The following RBM19 variants were observed in gnomAD, a reference collection of about 807,000 sequenced individuals.
The protein encoded by RBM19 is probable RNA-binding protein 19.
RBM19 carries 94 observed loss-of-function variants against 116.8 expected under a neutral mutation model. The ratio of observed to expected loss-of-function variants is 0.80; its 90% CI spans 0.68 to 0.95. RBM19 has a LOEUF of 0.95. RBM19 is among the 40% of genes least tolerant of loss of function. The pLI is 0.00. For missense variants in RBM19, 1,161 were observed against 1,220.7 expected, an observed-to-expected ratio of 0.95 and a Z score of 0.73; for synonymous variants, 475 against 494.1, an observed-to-expected ratio of 0.96 and a Z score of 0.51.
Position 113,966,315 on chromosome 12 carries a change from T to C in RBM19, c.-88A>G. The C allele has an allele frequency of 1.3e-6, 2 of 1,550,064 alleles. No homozygotes were observed. Among genetic ancestry groups the C allele is most frequent in the South Asian group, 2.2e-5 (2 of 89,572 alleles). Reference sequence around the variant, plus strand: ...CGCTACCGCCCTGGGCGCCGCCATCTTTACCGAGCCGGAACACAGTCACGT... The same window carrying C: ...CGCTACCGCCCTGGGCGCCGCCATCCTTACCGAGCCGGAACACAGTCACGT... On this transcript the variant is annotated 5_prime_UTR_variant, in exon 1 of 24. Coordinates refer to ENST00000261741, the MANE Select transcript of RBM19 (RefSeq NM_016196.4).
At chr12:113,964,135 A>C (rs74821924) in intron 1 of RBM19, among the ~76,000 whole-genome samples, 117 of 152,284 alleles carry the variant, frequency 7.7e-4, no homozygotes, top group African/African-American at 2.7e-3. Context: ...CTACAGTGTC[A>C]GCAATATCAC....
At chr12:113,909,075 C>A (rs1020653248) in intron 21 of RBM19, among the ~76,000 whole-genome samples, 7 of 152,174 alleles carry the variant, frequency 4.6e-5, no homozygotes, top group Non-Finnish European at 8.8e-5. Context: ...GGACAGGGGT[C>A]AGGAGTTAGT....
rs568015381 is a variant in RBM19 at position 113,962,256 on chromosome 12, G to A, written c.195C>T (p.Ser65=). Residue 65 remains serine (S), a synonymous_variant, in exon 2 of 24, where the codon AGC becomes AGT. Coordinates refer to ENST00000261741, the MANE Select transcript of RBM19 (RefSeq NM_016196.4). The stretch of plus-strand genomic sequence containing the variant: ...CTGTGATCCGGGATGTGTCGATGAA[G>A]CTCTTGTTGAAATGCTTCTGTGCCT... ...AQKAQKHFNK[S]FIDTSRITVE... is the part of the protein sequence containing the mutation. 3.7e-6 allele frequency: 6 copies of A among 1,614,264 alleles called. No homozygotes were observed. The African/African-American group carries it at 5.3e-5, about 14-fold the overall frequency.
At chr12:113,962,083 A>T (rs1872545336) in intron 2 of RBM19, 149 bp downstream of exon 2, 4 of 945,674 alleles carry the variant, frequency 4.2e-6, no homozygotes, top group African/African-American at 1.7e-5. Flanking sequence ...GGTGATTTGT[A>T]TGCACATGAA....
chr12:113,832,195 CTTTTTTTTT>C (rs11410268), intron 23 of RBM19, among the ~76,000 whole-genome samples: 1 of 145,268 alleles, frequency 6.9e-6, no homozygotes, highest in Non-Finnish European at 1.5e-5. Context: ...TTTCTTTTTT[CTTTTTTTTT>C]TTTTAGACTA....
At chr12:113,899,867 AC>A (rs1283928160) in intron 21 of RBM19, among the ~76,000 whole-genome samples, 1 of 152,024 alleles carries the variant, frequency 6.6e-6, no homozygotes, top group African/African-American at 2.4e-5. Flanking sequence ...CAATGAGCCA[AC>A]GGCGGCCCTC....
intron 4 of RBM19, 88 bp from the exon 5 acceptor site, chr12:113,959,492 A>C: frequency 7.2e-7 from 1 of 1,379,770 alleles, no homozygotes; most frequent in Non-Finnish European, 1.0e-6. Flanking sequence ...TGATCTTTCT[A>C]ACTCTTAAGA....
In RBM19 at chr12:113,920,835, G is replaced by A. The variant is rs115239139; in HGVS notation, c.2306-145C>T. 1,867 of 737,266 alleles carry A rather than the reference G, an allele frequency of 2.5e-3. 16 individuals are homozygous for A. The African/African-American group carries it at 0.029, about 12-fold the overall frequency. 45.7% of individuals were successfully genotyped at this position (737,266 alleles called of 1,614,324 possible). On this transcript the variant is annotated intron_variant, in intron 18 of 23. Coordinates refer to ENST00000261741, the MANE Select transcript of RBM19 (RefSeq NM_016196.4). ...ATTCCCCCCAAAAATCTCAGCACCT[G>A]GCTTGCTGTTTATCATTAGTCATCT...
At chr12:113,942,497 A>G (rs1327126656) in intron 13 of RBM19, 63 bp from the exon 14 acceptor site, 18 of 1,345,064 alleles carry the variant, frequency 1.3e-5, no homozygotes. Context: ...TGGCCCTCCC[A>G]TCTCCCAACA....
chr12:113,962,727 A>G (rs1359406039), intron 1 of RBM19, among the ~76,000 whole-genome samples: 1 of 152,254 alleles, frequency 6.6e-6, no homozygotes, highest in Non-Finnish European at 1.5e-5. Context: ...TCTGCTACAT[A>G]GTAGATACCT....
intron 21 of RBM19, among the ~76,000 whole-genome samples, chr12:113,899,466 A>C (rs1323653133): frequency 2.0e-5 from 3 of 152,168 alleles, no homozygotes; most frequent in Non-Finnish European, 4.4e-5. Flanking sequence ...GTCCCAGAGA[A>C]CTCATCAGAC....
chr12:113,918,391 C>T lies in RBM19; in HGVS notation c.2441+1G>A, dbSNP rs771342711. 1.1e-5 allele frequency: 17 copies of T among 1,613,850 alleles called. No homozygotes were observed. The highest frequency in any genetic ancestry group is 1.3e-5 in the African/African-American group (1 of 74,906). On this transcript the variant is annotated splice_donor_variant, in intron 20 of 23. Coordinates refer to ENST00000261741, the MANE Select transcript of RBM19 (RefSeq NM_016196.4). LOFTEE classifies it high-confidence loss of function. ...AGGAAATGAGGACACTGAAGACTCA[C>T]TTAGTGGCTCGTTCCGAGATCCTCA...
At chr12:113,866,010 A>G (rs1327712191) in intron 21 of RBM19, among the ~76,000 whole-genome samples, 1 of 152,152 alleles carries the variant, frequency 6.6e-6, no homozygotes, top group Admixed American at 6.5e-5. Context: ...CTGCACTGAG[A>G]TGTTTTCTCT....
At chr12:113,862,559 G>A (rs1878482711) in intron 21 of RBM19, among the ~76,000 whole-genome samples, 1 of 152,196 alleles carries the variant, frequency 6.6e-6, no homozygotes, top group Non-Finnish European at 1.5e-5. Flanking sequence ...CTGACAGCAA[G>A]GTCTACGAAG....
chr12:113,833,919 G>GT (rs1270115704), intron 23 of RBM19, among the ~76,000 whole-genome samples: 10 of 150,984 alleles, frequency 6.6e-5, no homozygotes, highest in African/African-American at 2.2e-4. Context: ...AATTTTTAAA[G>GT]TTTTTTTTTA....
intron 21 of RBM19, among the ~76,000 whole-genome samples, chr12:113,866,670 C>T (rs1334297077): frequency 2.6e-5 from 4 of 152,182 alleles, no homozygotes; most frequent in Admixed American, 2.0e-4. Flanking sequence ...CTCCTCTTGT[C>T]TTTCTGGATC....
intron 16 of RBM19, among the ~76,000 whole-genome samples, chr12:113,936,029 C>CA (rs1420643228): frequency 6.7e-6 from 1 of 150,064 alleles, no homozygotes; most frequent in African/African-American, 2.4e-5. Context: ...GGCTCTGTCT[C>CA]AAAAAAACAA....
At chr12:113,872,576 G>T (rs1188686748) in intron 21 of RBM19, among the ~76,000 whole-genome samples, 1 of 121,724 alleles carries the variant, frequency 8.2e-6, no homozygotes, top group East Asian at 3.3e-4. Context: ...AGGTGGGGGG[G>T]GGTCAGCCCC....
chr12:113,899,630 G>A (rs1043887772), intron 21 of RBM19, among the ~76,000 whole-genome samples: 1 of 152,192 alleles, frequency 6.6e-6, no homozygotes, highest in African/African-American at 2.4e-5. Context: ...AGCACCTGGC[G>A]CAGTCCCTGC....
Sources: allele counts gnomAD v4.1 joint callset (sites outside exome capture counted in the v4.1 genomes callset), GRCh38; gene constraint gnomAD v4.1.1; transcripts MANE v1.5; gene names NCBI Gene and HGNC (gene_info 2026-07-23, HGNC 2026-07-21).